The following ERG variants were observed in gnomAD, a reference collection of about 807,000 sequenced individuals.
The protein encoded by ERG is transcriptional regulator ERG.
A neutral mutation model predicts 55.3 loss-of-function variants in ERG; 9 were observed. The observed-to-expected ratio is 0.16, with a 90% CI of 0.10 to 0.28. ERG has a LOEUF of 0.28. Ranked by LOEUF, ERG falls within the 10% of genes least tolerant of loss-of-function variation. The pLI is 1.00. For missense variants in ERG, 434 were observed against 631.6 expected (o/e 0.69, Z 3.35); for synonymous variants, 223 against 237.3 (o/e 0.94, Z 0.55).
rs1987546525 is a variant in ERG at position 38,383,548 on chromosome 21, G to A, written c.1295C>T (p.Ala432Val). The A allele has an allele frequency of 8.8e-6, 14 of 1,587,502 alleles. No homozygotes were observed. Among genetic ancestry groups the A allele is most frequent in the Non-Finnish European group, 1.1e-5 (13 of 1,163,160 alleles). ...CACGGGGAGGGCTGGAGGGTGGGGC[G>A]CCACAAAGTTCATCTTCTGTGGGTG... Reference protein sequence around the residue: ...HAHPQKMNFVAPHPPALPVTS... With the variant: ...HAHPQKMNFVVPHPPALPVTS... Residue 432 changes from alanine to valine, a missense_variant, in exon 10 of 10, where the codon GCG (alanine) becomes GTG (valine). Ala to Val is a moderately conservative substitution (Grantham distance 64). Transcript: ENST00000288319. This position sits in a 1 kb window ranked among gnomAD's most constrained non-coding sequence, Gnocchi z 5.7.
At position 38,537,433 on chromosome 21, in the gene ERG, G is replaced by GA. The variant is rs111811547; in HGVS notation, c.-41+38228dup. Among the ~76,000 whole-genome samples the GA allele has an allele frequency of 4.0e-3, 470 of 117,426 alleles. 2 individuals carry two copies. The highest frequency in any genetic ancestry group is 0.017 in the African/African-American group (428 of 25,608). 77.0% of individuals were successfully genotyped at this position (117,426 alleles called of 152,430 possible). A position where few individuals can be genotyped will look rare whatever the true frequency, so the allele number is the denominator to read the frequency against. ...TTATCTAATAAGGGATTAATATCCA[G>GA]AAAAAAAAATATATATATATATGTA... On this transcript the variant is annotated intron_variant, in intron 2 of 8. Coordinates refer to the ERG transcript ENST00000398897.
intron 7 of ERG, 85 bp from the exon 8 acceptor site, chr21:38,391,800 GTTAA>G: frequency 9.1e-7 from 1 of 1,093,994 alleles, no homozygotes. Flanking sequence ...CATTCTATCA[GTTAA>G]TTTAGTTATT....
At chr21:38,411,832 A>AGTC (rs1989069532) in intron 3 of ERG, among the ~76,000 whole-genome samples, 1 of 152,162 alleles carries the variant, frequency 6.6e-6, no homozygotes, top group Admixed American at 6.5e-5. Flanking sequence ...ATTGGACTTG[A>AGTC]CTATTTCTTT....
At chr21:38,592,357 A>G (rs2060105562) in intron 1 of ERG, among the ~76,000 whole-genome samples, 1 of 147,222 alleles carries the variant, frequency 6.8e-6, no homozygotes, top group Non-Finnish European at 1.5e-5. Context: ...TGATAAGAAA[A>G]GAGTGTTCAG....
chr21:38,598,762 T>A (rs1011110064), intron 1 of ERG, among the ~76,000 whole-genome samples: 1 of 152,038 alleles, frequency 6.6e-6, no homozygotes, highest in East Asian at 1.9e-4. Context: ...GGGAGCAGGG[T>A]GGATGTGTAG....
intron 1 of ERG, among the ~76,000 whole-genome samples, chr21:38,612,503 C>CAGATAAAA (rs1555874377): frequency 1.3e-5 from 2 of 152,116 alleles, no homozygotes; most frequent in Non-Finnish European, 2.9e-5. Flanking sequence ...TCAAGAGCAT[C>CAGATAAAA]TGTACATATT....
At chr21:38,400,196 T>C (rs1466086474) in intron 6 of ERG, 1 of 430,062 alleles carries the variant, frequency 2.3e-6, no homozygotes, top group Non-Finnish European at 4.4e-6. Flanking sequence ...TCTTGTGACA[T>C]ACTGATAATC....
At chr21:38,368,924 A>G in the ERG span, among the ~76,000 whole-genome samples, 1 of 152,166 alleles carries the variant, frequency 6.6e-6, no homozygotes, top group South Asian at 2.1e-4. Flanking sequence ...AGCTCCATCC[A>G]TGTCCCTGCA....
chr21:38,374,110 T>A, the ERG span, among the ~76,000 whole-genome samples: 1 of 152,186 alleles, frequency 6.6e-6, no homozygotes, highest in South Asian at 2.1e-4. Flanking sequence ...AAACTGCTTA[T>A]TATTTGAATG....
chr21:38,428,628 G>A (rs1383087340), intron 2 of ERG, among the ~76,000 whole-genome samples: 1 of 152,158 alleles, frequency 6.6e-6, no homozygotes. Flanking sequence ...AGTCCCTGAT[G>A]CCTTCCTGAA....
intron 2 of ERG, among the ~76,000 whole-genome samples, chr21:38,511,889 A>G (rs1405459347): frequency 4.6e-5 from 7 of 152,194 alleles, no homozygotes; most frequent in Non-Finnish European, 5.9e-5. Context: ...AATTATGACA[A>G]CCAAAACTGT....
At chr21:38,424,195 T>TCC (rs1989707167) in intron 2 of ERG, among the ~76,000 whole-genome samples, 1 of 141,268 alleles carries the variant, frequency 7.1e-6, no homozygotes, top group African/African-American at 2.7e-5. Context: ...GAGCTCTCTC[T>TCC]CTCTCTCTCT....
At chr21:38,448,074 G>A (rs1303477392) in intron 1 of ERG, among the ~76,000 whole-genome samples, 1 of 152,124 alleles carries the variant, frequency 6.6e-6, no homozygotes. Flanking sequence ...AAAATGTAGT[G>A]TAAGTTTGAA....
intron 2 of ERG, among the ~76,000 whole-genome samples, chr21:38,555,398 A>T (rs1420344971): frequency 3.3e-5 from 5 of 152,038 alleles, no homozygotes; most frequent in African/African-American, 1.2e-4. Context: ...CTCAGTAAAA[A>T]AATAATATAT....
intron 1 of ERG, among the ~76,000 whole-genome samples, chr21:38,603,349 G>A (rs1343392485): frequency 3.9e-5 from 6 of 152,144 alleles, no homozygotes; most frequent in East Asian, 1.9e-4. Context: ...GGCCAGGCAC[G>A]GTGGCTCACG....
intron 2 of ERG, among the ~76,000 whole-genome samples, chr21:38,572,019 A>T (rs2059960904): frequency 6.6e-6 from 1 of 152,132 alleles, no homozygotes; most frequent in African/African-American, 2.4e-5. Flanking sequence ...CTTCCACTAT[A>T]TATGTTAATA....
At chr21:38,369,367 G>A in the ERG span, among the ~76,000 whole-genome samples, 1 of 152,192 alleles carries the variant, frequency 6.6e-6, no homozygotes, top group South Asian at 2.1e-4. Flanking sequence ...CTAATGATCA[G>A]TCATGTTGAG....
chr21:38,441,725 T>TTGGTGAC (rs1423204939), intron 2 of ERG, among the ~76,000 whole-genome samples: 1 of 152,180 alleles, frequency 6.6e-6, no homozygotes, highest in Non-Finnish European at 1.5e-5. Context: ...ACGATGACAC[T>TTGGTGAC]TGGTGACTGG....
At chr21:38,536,194 T>A (rs1317068115) in intron 2 of ERG, among the ~76,000 whole-genome samples, 1 of 152,122 alleles carries the variant, frequency 6.6e-6, no homozygotes, top group East Asian at 1.9e-4. Context: ...AGGTAGACAC[T>A]GAGGTAATCT....
Sources: allele counts gnomAD v4.1 joint callset (sites outside exome capture counted in the v4.1 genomes callset), GRCh38; gene constraint gnomAD v4.1.1; non-coding constraint Gnocchi (gnomAD v3.1); transcripts MANE v1.5; gene names NCBI Gene and HGNC (gene_info 2026-07-23, HGNC 2026-07-21).